The following ATP8B4 variants were observed in gnomAD, a reference collection of about 807,000 sequenced individuals.
ATP8B4 encodes the protein ATPase phospholipid transporting 8B4 (putative).
In ATP8B4, 133 loss-of-function variants were observed where a neutral mutation model predicts 145.6. The observed-to-expected ratio is 0.91, with a 90% CI of 0.79 to 1.05. The LOEUF is 1.05. Among genes scored for constraint, ATP8B4 ranks in the 50% least tolerant of loss-of-function variants. The probability of loss-of-function intolerance (pLI) is 0.00; values close to 1 mark genes in which losing one functional copy is unlikely to be tolerated. For missense variants in ATP8B4, 1,458 were observed against 1,425.2 expected (o/e 1.02, Z -0.37); for synonymous variants, 507 against 492.9 (o/e 1.03, Z -0.38).
chr15:49,885,525 G>A (rs1382688217), intron 23 of ATP8B4, among the ~76,000 whole-genome samples: 1 of 152,104 alleles, frequency 6.6e-6, no homozygotes, highest in African/African-American at 2.4e-5. Context: ...ACAAATATTT[G>A]TTGACTGTAG....
chr15:50,047,119 A>C (rs2051785073), intron 4 of ATP8B4, among the ~76,000 whole-genome samples: 1 of 152,224 alleles, frequency 6.6e-6, no homozygotes, highest in East Asian at 1.9e-4. Context: ...AATAAAGTGC[A>C]AGGCTGTGTT....
chr15:50,113,520 G>C (rs2057048592), intron 1 of ATP8B4, among the ~76,000 whole-genome samples: 1 of 148,162 alleles, frequency 6.7e-6, no homozygotes, highest in Non-Finnish European at 1.5e-5. Context: ...GTGTGTATGT[G>C]TGTACGTATG....
intron 14 of ATP8B4, among the ~76,000 whole-genome samples, chr15:49,934,510 C>T (rs537408711): frequency 1.3e-5 from 2 of 152,166 alleles, no homozygotes; most frequent in Admixed American, 6.5e-5. Context: ...ACCTACTTTA[C>T]GGCAAAACCT....
At chr15:50,088,590 C>A (rs2153653649) in intron 2 of ATP8B4, among the ~76,000 whole-genome samples, 1 of 152,270 alleles carries the variant, frequency 6.6e-6, no homozygotes. Context: ...CTTAATTCAG[C>A]CTTCCATGGT....
intron 13 of ATP8B4, among the ~76,000 whole-genome samples, chr15:49,971,886 G>C (rs1254811867): frequency 3.3e-5 from 5 of 152,146 alleles, no homozygotes; most frequent in Admixed American, 3.3e-4. Context: ...GCCCATCAGT[G>C]ATAGACTGGA....
chr15:50,166,006 C>CACACACACAT (rs989070531), intron 1 of ATP8B4, among the ~76,000 whole-genome samples: 2 of 147,400 alleles, frequency 1.4e-5, no homozygotes, highest in Non-Finnish European at 3.0e-5. Context: ...CACACACACA[C>CACACACACAT]ACCTCATCTA....
chr15:49,903,263 T>C (rs1257783754), intron 20 of ATP8B4, among the ~76,000 whole-genome samples: 2 of 152,252 alleles, frequency 1.3e-5, no homozygotes, highest in Non-Finnish European at 2.9e-5. Context: ...GGGAAAAAGC[T>C]ACACATAACT....
intron 1 of ATP8B4, among the ~76,000 whole-genome samples, chr15:50,175,035 A>C (rs2044741331): frequency 6.6e-6 from 1 of 152,158 alleles, no homozygotes; most frequent in African/African-American, 2.4e-5. Flanking sequence ...ACAAAAACAT[A>C]AAGTGGGGAA....
intron 1 of ATP8B4, among the ~76,000 whole-genome samples, chr15:50,149,158 C>A (rs907305871): frequency 2.0e-5 from 3 of 152,150 alleles, no homozygotes; most frequent in Non-Finnish European, 2.9e-5. Flanking sequence ...GTGTTAAGAA[C>A]AATTCTGACA....
At chr15:49,890,182 C>G (rs951526370) in intron 23 of ATP8B4, among the ~76,000 whole-genome samples, 4 of 152,122 alleles carry the variant, frequency 2.6e-5, no homozygotes, top group African/African-American at 4.8e-5. Context: ...AAATTGGCAC[C>G]CAGTTTATTG....
chr15:49,870,294 A>T (rs2033478893), intron 25 of ATP8B4, among the ~76,000 whole-genome samples: 1 of 152,200 alleles, frequency 6.6e-6, no homozygotes, highest in Non-Finnish European at 1.5e-5. Flanking sequence ...ATATGTGTGT[A>T]TGCGTCGTCT....
At chr15:50,154,726 G>A (rs898674335) in intron 1 of ATP8B4, among the ~76,000 whole-genome samples, 4 of 151,728 alleles carry the variant, frequency 2.6e-5, no homozygotes, top group Non-Finnish European at 4.4e-5. Flanking sequence ...CCAGGCTGGA[G>A]TGCAGTGACG....
At chr15:49,891,878 G>A (rs533473419) in intron 23 of ATP8B4, among the ~76,000 whole-genome samples, 3 of 152,012 alleles carry the variant, frequency 2.0e-5, no homozygotes, top group Non-Finnish European at 2.9e-5. Flanking sequence ...CATTTTGAGG[G>A]GTCGAGGCAG....
intron 1 of ATP8B4, among the ~76,000 whole-genome samples, chr15:50,110,658 C>A (rs2043331787): frequency 6.6e-6 from 1 of 152,198 alleles, no homozygotes; most frequent in South Asian, 2.1e-4. Context: ...TTAAAAACTG[C>A]CTCAAAGTAG....
chr15:49,961,027 G>A (rs945800134), intron 14 of ATP8B4, among the ~76,000 whole-genome samples: 4 of 152,248 alleles, frequency 2.6e-5, no homozygotes, highest in Admixed American at 1.3e-4. Context: ...CAGCTACTCG[G>A]GAGGCTGAGG....
intron 3 of ATP8B4, among the ~76,000 whole-genome samples, chr15:50,061,124 C>A (rs749840889): frequency 5.3e-5 from 8 of 151,932 alleles, no homozygotes; most frequent in Non-Finnish European, 8.8e-5. Context: ...ACAATGTGCC[C>A]TTTTGACTCA....
At chr15:50,132,553 A>G (rs1027759665) in intron 1 of ATP8B4, among the ~76,000 whole-genome samples, 4 of 152,198 alleles carry the variant, frequency 2.6e-5, no homozygotes, top group Non-Finnish European at 5.9e-5. Context: ...ACAGTGTGGC[A>G]ATTCCTCAAG....
intron 1 of ATP8B4, among the ~76,000 whole-genome samples, chr15:50,124,611 GA>G (rs56206515): frequency 0.31 from 46,779 of 151,090 alleles, 8,265 homozygotes; most frequent in Middle Eastern, 0.47. Context: ...TTTTTAAAAA[GA>G]AAAAAAAAGA....
At chr15:50,138,339 T>TAGAC in intron 1 of ATP8B4, among the ~76,000 whole-genome samples, 1 of 49,810 alleles carries the variant, frequency 2.0e-5, no homozygotes, top group South Asian at 7.8e-4. Context: ...GATAGATAGA[T>TAGAC]AGATAGATAG....
Sources: gnomAD v4.1 joint callset for allele counts (sites outside exome capture counted in the v4.1 genomes callset) on GRCh38, gnomAD v4.1.1 for gene constraint, MANE v1.5 for transcripts, NCBI Gene and HGNC (gene_info 2026-07-23, HGNC 2026-07-21) for gene names.